PRKDC: variants seen among roughly 807,000 people sequenced by gnomAD.
PRKDC encodes the protein protein kinase, DNA-activated, catalytic subunit, also known as DNA-dependent protein kinase catalytic subunit.
Under a neutral mutation model 486.9 loss-of-function variants are expected in PRKDC, and 82 were observed. That is an observed-to-expected ratio of 0.17 (90% CI 0.14 to 0.20). PRKDC has a LOEUF of 0.20. Among genes scored for constraint, PRKDC ranks in the 10% least tolerant of loss-of-function variants. The pLI, the probability that PRKDC is intolerant of heterozygous loss-of-function variation, is 1.00. For synonymous variants in PRKDC, 1,895 were observed against 1,837.0 expected (o/e 1.03, Z -0.81); for missense variants, 4,504 against 5,038.2 (o/e 0.89, Z 3.21).
At chr8:47,822,961 C>A (rs953227973) in intron 64 of PRKDC, among the ~76,000 whole-genome samples, 1 of 152,162 alleles carries the variant, frequency 6.6e-6, no homozygotes, top group Non-Finnish European at 1.5e-5. Context: ...TGTGTCCCCA[C>A]CTAAACCTCA....
intron 58 of PRKDC, among the ~76,000 whole-genome samples, chr8:47,835,771 T>G (rs532682390): frequency 2.2e-4 from 33 of 150,464 alleles, no homozygotes; most frequent in African/African-American, 8.0e-4. Context: ...GCTTTTTGGT[T>G]TTTTTTTTTG....
chr8:47,955,319 G>A (rs1193661857), intron 4 of PRKDC, among the ~76,000 whole-genome samples: 3 of 149,272 alleles, frequency 2.0e-5, no homozygotes, highest in African/African-American at 4.9e-5. Flanking sequence ...AAAATTAGCC[G>A]GGCGTAGTGG....
chr8:47,820,507 G>T (rs1385537235), intron 66 of PRKDC, among the ~76,000 whole-genome samples: 1 of 151,794 alleles, frequency 6.6e-6, no homozygotes, highest in Non-Finnish European at 1.5e-5. Flanking sequence ...AAGGCATTAA[G>T]ATAAAGGACA....
chr8:47,848,653 GA>G (rs200253108), intron 54 of PRKDC, among the ~76,000 whole-genome samples: 3,144 of 108,986 alleles, frequency 0.029, 56 homozygotes, highest in African/African-American at 0.048. Context: ...TGAAAAAAAT[GA>G]AAAAAAAAAA....
intron 68 of PRKDC, among the ~76,000 whole-genome samples, chr8:47,807,579 C>T (rs1269744446): frequency 1.1e-4 from 16 of 151,864 alleles, no homozygotes; most frequent in African/African-American, 2.9e-4. Context: ...CCACTACACC[C>T]GGCTAATTTT....
intron 40 of PRKDC, among the ~76,000 whole-genome samples, chr8:47,871,840 C>T (rs953906670): frequency 2.6e-5 from 4 of 152,184 alleles, no homozygotes; most frequent in African/African-American, 9.6e-5. Context: ...ATCCACCAGC[C>T]TCGGCCTCCC....
intron 1 of PRKDC, among the ~76,000 whole-genome samples, chr8:47,958,500 G>A (rs1354260932): frequency 6.6e-6 from 1 of 152,044 alleles, no homozygotes; most frequent in Non-Finnish European, 1.5e-5. Context: ...GCAGCAATAA[G>A]GAACTAATAC....
intron 74 of PRKDC, 74 bp downstream of exon 74, chr8:47,794,205 AATGTAGTGTCC>A: frequency 2.8e-6 from 3 of 1,086,258 alleles, no homozygotes; most frequent in South Asian, 3.1e-5. Context: ...TTTGAAAACA[AATGTAGTGTCC>A]ACGTGTGTGC....
intron 19 of PRKDC, 111 bp downstream of exon 19, chr8:47,928,981 C>T (rs1370156966): frequency 3.4e-6 from 3 of 891,302 alleles, no homozygotes; most frequent in Non-Finnish European, 5.2e-6. Flanking sequence ...TGAGCCACCG[C>T]ACCCAGCCCC....
chr8:47,840,340 T>A (rs757226885), intron 54 of PRKDC, among the ~76,000 whole-genome samples, 151 bp from the exon 55 acceptor site: 13 of 152,340 alleles, frequency 8.5e-5, no homozygotes, highest in Non-Finnish European at 1.3e-4. Context: ...AAAATGATCA[T>A]GGACTAGATT....
chr8:47,882,138 T>G (rs370373519), intron 36 of PRKDC, 41 bp from the exon 37 acceptor site: 10 of 1,564,954 alleles, frequency 6.4e-6, no homozygotes, highest in Non-Finnish European at 6.9e-6. Flanking sequence ...ATTCTTAATT[T>G]TGAGAATGAC....
At chr8:47,907,439 A>C (rs1048074262) in intron 25 of PRKDC, among the ~76,000 whole-genome samples, 4 of 149,108 alleles carry the variant, frequency 2.7e-5, no homozygotes, top group African/African-American at 7.5e-5. Flanking sequence ...CACACACACA[A>C]TACAGACATA....
chr8:47,794,601 A>G lies in PRKDC; in HGVS notation c.10459-100T>C, dbSNP rs1373323627. Reference sequence around the variant, plus strand: ...AAATAAAGAAAACTCAGAAGTATAAAAACGCAAGTACAAAACAAGTCTTCC... The same window carrying G: ...AAATAAAGAAAACTCAGAAGTATAAGAACGCAAGTACAAAACAAGTCTTCC... On this transcript the variant is annotated intron_variant, in intron 73 of 85. Coordinates refer to ENST00000314191, the MANE Select transcript of PRKDC (RefSeq NM_006904.7). 27 of 1,071,410 alleles carry G rather than the reference A, an allele frequency of 2.5e-5. 1 individual carries two copies. The highest frequency in any genetic ancestry group is 3.5e-5 in the Non-Finnish European group (27 of 760,804). The allele number at this position is 1,071,410 out of a possible 1,614,324, so 66.4% of individuals were successfully genotyped here. A position where few individuals can be genotyped will look rare whatever the true frequency, so the allele number is the denominator to read the frequency against.
chr8:47,905,060 G>C, intron 25 of PRKDC, 84 bp from the exon 26 acceptor site: 3 of 1,016,762 alleles, frequency 3.0e-6, no homozygotes, highest in Non-Finnish European at 4.5e-6. Context: ...AATGCCATTT[G>C]CAGTATAAAA....
intron 4 of PRKDC, among the ~76,000 whole-genome samples, chr8:47,955,244 C>A (rs1158561724): frequency 6.6e-6 from 1 of 151,362 alleles, no homozygotes; most frequent in African/African-American, 2.4e-5. Flanking sequence ...GGGCGGATCA[C>A]GAGGTCAGGA....
chr8:47,804,436 A>G (rs1304268908), intron 69 of PRKDC, among the ~76,000 whole-genome samples: 1 of 151,548 alleles, frequency 6.6e-6, no homozygotes, highest in Admixed American at 6.6e-5. Flanking sequence ...AGTACCTGGG[A>G]TTACAAGTGT....
chr8:47,928,121 C>T (rs2090183851), intron 19 of PRKDC, among the ~76,000 whole-genome samples: 1 of 151,072 alleles, frequency 6.6e-6, no homozygotes, highest in Admixed American at 6.6e-5. Flanking sequence ...GTTGTCATCA[C>T]TCAACTGAAT....
At chr8:47,787,580 C>A (rs1199600991) in intron 76 of PRKDC, among the ~76,000 whole-genome samples, 3 of 152,206 alleles carry the variant, frequency 2.0e-5, no homozygotes, top group Non-Finnish European at 4.4e-5. Flanking sequence ...AATAAAACTC[C>A]AAACACATCT....
chr8:47,789,542 C>G (rs1028268642), intron 74 of PRKDC, among the ~76,000 whole-genome samples: 1 of 151,950 alleles, frequency 6.6e-6, no homozygotes, highest in Non-Finnish European at 1.5e-5. Flanking sequence ...GGAATACGTC[C>G]AAACTCATTC....
Sources: allele counts gnomAD v4.1 joint callset (sites outside exome capture counted in the v4.1 genomes callset), GRCh38; gene constraint gnomAD v4.1.1; transcripts MANE v1.5; gene names NCBI Gene and HGNC (gene_info 2026-07-23, HGNC 2026-07-21).